CNIH4: variants seen among roughly 807,000 people sequenced by gnomAD.
CNIH4 encodes protein cornichon homolog 4.
Under a neutral mutation model 21.5 loss-of-function variants are expected in CNIH4, and 9 were observed. That is an observed-to-expected ratio of 0.42 (90% confidence interval 0.25 to 0.73). The LOEUF is 0.73. Ranked by LOEUF, CNIH4 falls within the 30% of genes least tolerant of loss-of-function variation. The pLI is 0.27. For synonymous variants in CNIH4, 67 were observed against 59.1 expected (o/e 1.13, Z -0.61); for missense variants, 159 against 170.0 (o/e 0.94, Z 0.36).
chr1:224,371,542 C>T (rs1672628948), intron 4 of CNIH4, 119 bp downstream of exon 4: 5 of 976,880 alleles, frequency 5.1e-6, no homozygotes, highest in Non-Finnish European at 7.7e-6. Flanking sequence ...ATGTAAATTC[C>T]TTGTGGCTGT....
rs1273573377 is a variant in CNIH4 at position 224,376,034 on chromosome 1, A to T, written c.*212A>T. The T allele has an allele frequency of 2.4e-6, 3 of 1,259,460 alleles. No homozygotes were observed. The African/African-American group carries it at 4.6e-5, about 19-fold the overall frequency. The allele number at this position is 1,259,460 out of a possible 1,614,324, so 78.0% of individuals were successfully genotyped here. On this transcript the variant is annotated 3_prime_UTR_variant, in exon 5 of 5. Transcript: ENST00000465271. ...TTTCTAGTTCTCAACTTTAGCCTGA[A>T]CGCCAACACTTGAAGGTGTTTTTCA... is the stretch of plus-strand genomic sequence containing the variant.
At chr1:224,359,579 A>G (rs980217793) in intron 1 of CNIH4, among the ~76,000 whole-genome samples, 4 of 152,146 alleles carry the variant, frequency 2.6e-5, no homozygotes, top group Non-Finnish European at 4.4e-5. Context: ...TTTTATTTTC[A>G]TGTTTATTTT....
intron 2 of CNIH4, among the ~76,000 whole-genome samples, chr1:224,364,826 G>A (rs2102856265): frequency 6.6e-6 from 1 of 151,980 alleles, no homozygotes; most frequent in African/African-American, 2.4e-5. Context: ...CCAGCTACTC[G>A]GGAGGTTGAG....
rs752728512 is a variant in CNIH4 at position 224,356,933 on chromosome 1, G to T, written c.9G>T (p.Ala3=). The change falls in exon 1 of 5, where the codon GCG becomes GCT. Residue 3 remains alanine (A), a synonymous_variant. Transcript: ENST00000465271. ME[A]VVFVFSLLDC... is the part of the protein sequence containing the mutation. ...GGCGACGGAGGAGGAGGATGGAGGC[G>T]GTGGTGTTCGTCTTCTCTCTCCTCG... 16 of 1,610,036 alleles carry T rather than the reference G, an allele frequency of 9.9e-6. No homozygotes were observed. The highest frequency in any genetic ancestry group is 2.2e-5 in the East Asian group (1 of 44,790).
chr1:224,368,741 C>T (rs1199422250), intron 3 of CNIH4, among the ~76,000 whole-genome samples: 1 of 151,778 alleles, frequency 6.6e-6, no homozygotes, highest in African/African-American at 2.4e-5. Context: ...ACTACAGCCT[C>T]GACCTCCTGG....
intron 2 of CNIH4, chr1:224,364,511 T>G (rs1217463103): frequency 2.8e-6 from 1 of 356,000 alleles, no homozygotes; most frequent in Admixed American, 6.5e-5. Flanking sequence ...GAGGGTAACT[T>G]TTCCCAAGAT....
chr1:224,376,733 A>C lies in CNIH4; in HGVS notation c.*911A>C, dbSNP rs1430115771. Reference sequence around the variant, plus strand: ...GACCACGTTGTGAACTGGGAGACCAAATGCAAGCCATTTCATGGACATAGC... The same window carrying C: ...GACCACGTTGTGAACTGGGAGACCACATGCAAGCCATTTCATGGACATAGC... On this transcript the variant is annotated 3_prime_UTR_variant, in exon 5 of 5. Coordinates refer to ENST00000465271, the MANE Select transcript of CNIH4 (RefSeq NM_014184.4). 1.0e-6 allele frequency: 1 copy of C among 985,304 alleles called. No homozygotes were observed. Among genetic ancestry groups the C allele is most frequent in the East Asian group, 1.1e-4 (1 of 8,824 alleles). 61.0% of individuals were successfully genotyped at this position (985,304 alleles called of 1,614,324 possible).
rs969196342 is a variant in CNIH4 at position 224,377,690 on chromosome 1, G to A, written c.*1868G>A. The stretch of plus-strand genomic sequence containing the variant: ...AGATGGGGTTTCACCATGTTGGCCA[G>A]GCTGGTCTCAAACTCCTGACCTCAA... On this transcript the variant is annotated 3_prime_UTR_variant, in exon 5 of 5. Transcript: ENST00000465271. 3 of 152,382 alleles carry A rather than the reference G, an allele frequency of 2.0e-5. No homozygotes were observed. Among genetic ancestry groups the A allele is most frequent in the Middle Eastern group, 3.4e-3 (1 of 298 alleles). The allele number at this position is 152,382 out of a possible 1,614,324, so 9.4% of individuals were successfully genotyped here.
intron 3 of CNIH4, among the ~76,000 whole-genome samples, chr1:224,369,362 C>T (rs1311565733): frequency 6.6e-6 from 1 of 152,124 alleles, no homozygotes; most frequent in Non-Finnish European, 1.5e-5. Context: ...CACCTGAGGT[C>T]AGGAGTTCAG....
intron 3 of CNIH4, among the ~76,000 whole-genome samples, chr1:224,366,640 C>T (rs1331950560): frequency 6.6e-6 from 1 of 151,692 alleles, no homozygotes; most frequent in Non-Finnish European, 1.5e-5. Context: ...TGAGCCACAG[C>T]GCCGGGCTGG....
chr1:224,359,423 C>T (rs1488272933), intron 1 of CNIH4, among the ~76,000 whole-genome samples: 1 of 152,076 alleles, frequency 6.6e-6, no homozygotes, highest in Non-Finnish European at 1.5e-5. Flanking sequence ...CCAGGACCTA[C>T]AAATGAGTGA....
At position 224,377,916 on chromosome 1, in the gene CNIH4, T is replaced by C. The variant is rs758774317; in HGVS notation, c.*2094T>C. ...ATCAGGCTTGCTGAGGCTAAGCAAA[T>C]CAGAAAGGTGCCATGTTTATAACAG... is the stretch of plus-strand genomic sequence containing the variant. On this transcript the variant is annotated 3_prime_UTR_variant, in exon 5 of 5. Coordinates refer to ENST00000465271, the MANE Select transcript of CNIH4 (RefSeq NM_014184.4). The C allele has an allele frequency of 6.6e-6, 1 of 152,138 alleles. No individual in the cohort carries two copies. The highest frequency in any genetic ancestry group is 1.5e-5 in the Non-Finnish European group (1 of 68,028). 9.4% of individuals were successfully genotyped at this position (152,138 alleles called of 1,614,324 possible). A position where few individuals can be genotyped will look rare whatever the true frequency, so the allele number is the denominator to read the frequency against.
rs1441572306 is a variant in CNIH4 at position 224,376,778 on chromosome 1, T to C, written c.*956T>C. ...CATAGCAATATACAACCAAACTCTG[T>C]TCCTTGGAGTTATATTGTAAACTCT... is the stretch of plus-strand genomic sequence containing the variant. On this transcript the variant is annotated 3_prime_UTR_variant, in exon 5 of 5. Transcript: ENST00000465271. 1.1e-5 allele frequency: 11 copies of C among 979,072 alleles called. No individual in the cohort carries two copies. Among genetic ancestry groups the C allele is most frequent in the African/African-American group, 1.8e-5 (1 of 55,348 alleles). The allele number at this position is 979,072 out of a possible 1,614,324, so 60.6% of individuals were successfully genotyped here. A position where few individuals can be genotyped will look rare whatever the true frequency, so the allele number is the denominator to read the frequency against.
At chr1:224,371,448 C>T (rs1672625999) in intron 4 of CNIH4, 25 bp downstream of exon 4, 1 of 1,600,470 alleles carries the variant, frequency 6.2e-7, no homozygotes, top group Non-Finnish European at 8.5e-7. Context: ...CTGGTATTTT[C>T]CTAGATGCCA....
upstream of CNIH4, chr1:224,356,852 A>T (rs547243253): frequency 7.2e-5 from 94 of 1,298,230 alleles, no homozygotes; most frequent in African/African-American, 1.3e-3. Context: ...CAGCCCCGGC[A>T]AGGGCCTATC....
intron 3 of CNIH4, among the ~76,000 whole-genome samples, chr1:224,367,294 A>G (rs1165326827): frequency 6.6e-6 from 1 of 152,176 alleles, no homozygotes; most frequent in Non-Finnish European, 1.5e-5. Flanking sequence ...ACAGAAAAAA[A>G]TAAAGTAGGG....
chr1:224,360,520 G>T lies in CNIH4; in HGVS notation c.95G>T (p.Cys32Phe). The T allele has an allele frequency of 6.8e-7, 1 of 1,465,742 alleles. No individual in the cohort carries two copies. The highest frequency in any genetic ancestry group is 9.1e-7 in the Non-Finnish European group (1 of 1,095,590). The allele number at this position is 1,465,742 out of a possible 1,614,324, so 90.8% of individuals were successfully genotyped here. The change falls in exon 2 of 5, where the codon TGT (cysteine) becomes TTT (phenylalanine). Residue 32 changes from cysteine (C) to phenylalanine (F), a missense_variant. Coordinates refer to ENST00000465271, the MANE Select transcript of CNIH4 (RefSeq NM_014184.4). ...ATAATTACATTGTCTGATTTAGAAT[G>T]TGATTACATTAATGCTAGATCATGT... ...YFIITLSDLECDYINARSCCS... is the reference protein window; with the variant it reads ...YFIITLSDLEFDYINARSCCS...
In CNIH4 at chr1:224,375,783, T is replaced by G; in HGVS notation, c.393-12T>G. ...AGAAAACATTAGTGACATTCATTTCTTCTTTCCACAGTATGATCTTAGCTT... is the reference window on the plus strand; with the variant it reads ...AGAAAACATTAGTGACATTCATTTCGTCTTTCCACAGTATGATCTTAGCTT... On this transcript the variant is annotated splice_polypyrimidine_tract_variant and intron_variant, in intron 4 of 4. Coordinates refer to ENST00000465271, the MANE Select transcript of CNIH4 (RefSeq NM_014184.4). 2 of 1,613,996 alleles carry G rather than the reference T, an allele frequency of 1.2e-6. No homozygotes were observed. The highest frequency in any genetic ancestry group is 1.7e-6 in the Non-Finnish European group (2 of 1,179,896).
intron 3 of CNIH4, among the ~76,000 whole-genome samples, chr1:224,367,068 A>G (rs1672483979): frequency 6.6e-6 from 1 of 152,196 alleles, no homozygotes; most frequent in African/African-American, 2.4e-5. Context: ...CCTGAAGTAT[A>G]TAATTTTATA....
Sources: allele counts gnomAD v4.1 joint callset (sites outside exome capture counted in the v4.1 genomes callset), GRCh38; gene constraint gnomAD v4.1.1; transcripts MANE v1.5; gene names NCBI Gene and HGNC (gene_info 2026-07-23, HGNC 2026-07-21).